The following KCNIP4 variants were observed in gnomAD, a reference collection of about 807,000 sequenced individuals.
KCNIP4 encodes potassium voltage-gated channel interacting protein 4.
In KCNIP4, 12 loss-of-function variants were observed where a neutral mutation model predicts 34.0. The observed-to-expected ratio is 0.35, with a 90% confidence interval of 0.23 to 0.57. KCNIP4 has a LOEUF of 0.57. Among genes scored for constraint, KCNIP4 ranks in the 20% least tolerant of loss-of-function variants. The pLI is 0.83. For synonymous variants in KCNIP4, 124 were observed against 102.2 expected, an observed-to-expected ratio of 1.21 and a Z score of -1.29; for missense variants, 238 against 311.7, an observed-to-expected ratio of 0.76 and a Z score of 1.78.
intron 1 of KCNIP4, among the ~76,000 whole-genome samples, chr4:20,900,137 A>G (rs1326327657): frequency 6.6e-6 from 1 of 152,182 alleles, no homozygotes. Flanking sequence ...GTGCTACTGT[A>G]TTGAATCTAT....
At chr4:21,546,050 C>G (rs769574340) in intron 1 of KCNIP4, among the ~76,000 whole-genome samples, 2 of 151,998 alleles carry the variant, frequency 1.3e-5, no homozygotes, top group Admixed American at 1.3e-4. Context: ...CTTTCTTATG[C>G]GAGACCTAAG....
intron 1 of KCNIP4, among the ~76,000 whole-genome samples, chr4:21,065,530 T>C (rs1238215195): frequency 6.6e-6 from 1 of 151,936 alleles, no homozygotes; most frequent in Non-Finnish European, 1.5e-5. Context: ...TAATCGATTA[T>C]TATAATGTAC....
chr4:21,703,491 C>T (rs184558770), intron 1 of KCNIP4, among the ~76,000 whole-genome samples: 25 of 152,226 alleles, frequency 1.6e-4, no homozygotes, highest in Admixed American at 6.5e-5. Context: ...CATGTTCTCA[C>T]TCATAGGTGG....
chr4:20,910,566 C>G (rs966796637), intron 1 of KCNIP4, among the ~76,000 whole-genome samples: 1 of 152,144 alleles, frequency 6.6e-6, no homozygotes, highest in African/African-American at 2.4e-5. Context: ...ACGAGCCTAA[C>G]GGAAATTTCA....
intron 2 of KCNIP4, among the ~76,000 whole-genome samples, chr4:20,860,116 G>T (rs1048062466): frequency 1.3e-5 from 2 of 151,884 alleles, no homozygotes; most frequent in African/African-American, 4.8e-5. Flanking sequence ...TCTACAGCAG[G>T]TCCCATTTCT....
chr4:21,727,074 C>T (rs546301024), intron 1 of KCNIP4, among the ~76,000 whole-genome samples: 1 of 152,200 alleles, frequency 6.6e-6, no homozygotes, highest in South Asian at 2.1e-4. Context: ...AATACTGAAA[C>T]ACATAGAGTG....
chr4:21,444,842 G>T (rs1344772154), intron 1 of KCNIP4, among the ~76,000 whole-genome samples: 9 of 152,182 alleles, frequency 5.9e-5, no homozygotes, highest in Non-Finnish European at 1.2e-4. Context: ...ACTTGTCCCT[G>T]TTTGCAGATG....
intron 1 of KCNIP4, among the ~76,000 whole-genome samples, chr4:20,949,814 T>C (rs4513564): frequency 0.8 from 116,391 of 144,914 alleles, 46,694 homozygotes; most frequent in East Asian, 0.85. Flanking sequence ...ACAATGAGAA[T>C]ACATGGACAC....
intron 1 of KCNIP4, among the ~76,000 whole-genome samples, chr4:21,810,395 A>T (rs895119989): frequency 3.3e-4 from 50 of 152,104 alleles, no homozygotes; most frequent in Non-Finnish European, 1.0e-4. Flanking sequence ...CCTCTTAAAA[A>T]TCAGAGAGAA....
Position 20,729,969 on chromosome 4 carries a change from A to ATAAT in KCNIP4, c.*109_*112dup. 8.0e-7 allele frequency: 1 copy of ATAAT among 1,254,612 alleles called. No homozygotes were observed. The highest frequency in any genetic ancestry group is 2.6e-5 in the East Asian group (1 of 38,536). 77.7% of individuals were successfully genotyped at this position (1,254,612 alleles called of 1,614,324 possible). A position where few individuals can be genotyped will look rare whatever the true frequency, so the allele number is the denominator to read the frequency against. ...TTATATTAAAACAAAGCTTGTTTGC[A>ATAAT]TAATATGCTTCAGTGTCAAGCTGAG... On this transcript the variant is annotated 3_prime_UTR_variant, in exon 9 of 9. Coordinates refer to ENST00000382152, the MANE Select transcript of KCNIP4 (RefSeq NM_025221.6).
chr4:20,950,937 G>A (rs1440382232), intron 1 of KCNIP4, among the ~76,000 whole-genome samples: 2 of 152,012 alleles, frequency 1.3e-5, no homozygotes, highest in African/African-American at 4.8e-5. Context: ...AGTTACGTGG[G>A]CATTTGCTTT....
chr4:21,638,001 A>C (rs1746343971), intron 1 of KCNIP4, among the ~76,000 whole-genome samples: 2 of 152,068 alleles, frequency 1.3e-5, no homozygotes, highest in African/African-American at 4.8e-5. Flanking sequence ...GAAAAACAGT[A>C]AAATTCACAC....
chr4:21,662,452 C>T (rs1283030034), intron 1 of KCNIP4, among the ~76,000 whole-genome samples: 1 of 152,124 alleles, frequency 6.6e-6, no homozygotes, highest in Admixed American at 6.5e-5. Context: ...CATCTGCCTA[C>T]AAAGTGATTT....
rs1366204923 is a variant in KCNIP4 at position 21,247,759 on chromosome 4, T to TATATATATATATATATATACAC, written c.62-365051_62-365050insGTGTATATATATATATATATAT. Among the ~76,000 whole-genome samples the TATATATATATATATATATACAC allele has an allele frequency of 3.8e-3, 453 of 119,936 alleles. 10 individuals carry two copies. The highest frequency in any genetic ancestry group is 5.9e-3 in the Non-Finnish European group (353 of 60,138). 78.7% of individuals were successfully genotyped at this position (119,936 alleles called of 152,430 possible). A position where few individuals can be genotyped will look rare whatever the true frequency, so the allele number is the denominator to read the frequency against. Reference sequence around the variant, plus strand: ...GGATATATATATATATATATATATATACACCCCACAGGTGTTTTTTATATA... The same window carrying TATATATATATATATATATACAC: ...GGATATATATATATATATATATATATATATATATATATATATATACACACACCCCACAGGTGTTTTTTATATA... On this transcript the variant is annotated intron_variant, in intron 1 of 8. Transcript: ENST00000382152.
At chr4:20,740,434 T>TA (rs994368867) in intron 5 of KCNIP4, among the ~76,000 whole-genome samples, 4 of 150,876 alleles carry the variant, frequency 2.7e-5, no homozygotes, top group African/African-American at 4.8e-5. Context: ...TCAACACTCT[T>TA]ACAGAATTTT....
chr4:21,277,789 C>T (rs1044947847), intron 1 of KCNIP4, among the ~76,000 whole-genome samples: 1 of 151,966 alleles, frequency 6.6e-6, no homozygotes, highest in Non-Finnish European at 1.5e-5. Context: ...AAGCATTAGG[C>T]CGTCAGATTC....
chr4:21,113,455 T>TAA (rs56676152), intron 1 of KCNIP4, among the ~76,000 whole-genome samples: 1,126 of 62,076 alleles, frequency 0.018, 21 homozygotes, highest in African/African-American at 0.059. Context: ...TCTATAAGTT[T>TAA]AAAAAAAAAA....
intron 1 of KCNIP4, among the ~76,000 whole-genome samples, chr4:21,124,682 G>A (rs1444615382): frequency 6.6e-6 from 1 of 152,106 alleles, no homozygotes; most frequent in African/African-American, 2.4e-5. Flanking sequence ...GATATTTGAA[G>A]CTTAAAAAGG....
intron 1 of KCNIP4, among the ~76,000 whole-genome samples, chr4:21,052,906 A>T (rs1338764696): frequency 6.6e-6 from 1 of 152,036 alleles, no homozygotes; most frequent in Non-Finnish European, 1.5e-5. Context: ...TTTGCTCATG[A>T]ATATGTGTAT....
Sources: gnomAD v4.1 joint callset for allele counts (sites outside exome capture counted in the v4.1 genomes callset) on GRCh38, gnomAD v4.1.1 for gene constraint, MANE v1.5 for transcripts, NCBI Gene and HGNC (gene_info 2026-07-23, HGNC 2026-07-21) for gene names.